The following SMAD4 variants were observed in gnomAD, a reference collection of about 807,000 sequenced individuals.
SMAD4 encodes MAD homolog 4.
Under a neutral mutation model 63.2 loss-of-function variants are expected in SMAD4, and 7 were observed. The observed-to-expected ratio is 0.11, with a 90% CI of 0.06 to 0.21. The LOEUF is 0.21. Ranked by LOEUF, SMAD4 falls within the 10% of genes least tolerant of loss-of-function variation. The pLI is 1.00. For synonymous variants in SMAD4, 215 were observed against 235.4 expected (o/e 0.91, Z 0.79); for missense variants, 312 against 693.8 (o/e 0.45, Z 6.18).
At chr18:51,073,388 T>TATACACACACACACACAC (rs1417299090) in intron 10 of SMAD4, among the ~76,000 whole-genome samples, 1 of 64,186 alleles carries the variant, frequency 1.6e-5, no homozygotes, top group African/African-American at 7.6e-5. Context: ...TATATATATA[T>TATACACACACACACACAC]ACACACACAC....
intron 8 of SMAD4, among the ~76,000 whole-genome samples, chr18:51,061,359 A>G (rs1437924677): frequency 6.6e-6 from 1 of 152,072 alleles, no homozygotes; most frequent in East Asian, 1.9e-4. Context: ...ATCCCCCACT[A>G]CCTTTCCCAG....
At chr18:51,067,924 C>T (rs1568208975) in intron 10 of SMAD4, among the ~76,000 whole-genome samples, 1 of 152,232 alleles carries the variant, frequency 6.6e-6, no homozygotes, top group East Asian at 1.9e-4. Flanking sequence ...GTTATATATT[C>T]AACCTGTTTG....
rs1259096069 is a variant in SMAD4 at position 51,081,327 on chromosome 18, G to A, written c.*2860G>A. 4.4e-6 allele frequency: 1 copy of A among 228,414 alleles called. No homozygotes were observed. The highest frequency in any genetic ancestry group is 6.3e-5 in the East Asian group (1 of 15,950). The allele number at this position is 228,414 out of a possible 1,614,324, so 14.1% of individuals were successfully genotyped here. ...TAAGACCTCATTCCATGTTTGTCCAGTGCCTTTCAGTGCATTATCAAAGGG... is the reference window on the plus strand; with the variant it reads ...TAAGACCTCATTCCATGTTTGTCCAATGCCTTTCAGTGCATTATCAAAGGG... On this transcript the variant is annotated 3_prime_UTR_variant, in exon 12 of 12. Transcript: ENST00000342988.
Position 51,047,144 on chromosome 18 carries a change from A to G in SMAD4, c.98A>G (p.Glu33Gly). 6.2e-7 allele frequency: 1 copy of G among 1,614,154 alleles called. No homozygotes were observed. Among genetic ancestry groups the G allele is most frequent in the African/African-American group, 1.3e-5 (1 of 75,062 alleles). ...TGCCATAGACAAGGTGGAGAGAGTG[A>G]AACATTTGCAAAAAGAGCAATTGAA... ...LMCHRQGGES[E>G]TFAKRAIESL... The change falls in exon 2 of 12, where the codon GAA (glutamate) becomes GGA (glycine). Residue 33 changes from glutamate to glycine, a missense_variant. Physicochemically the swap from Glu to Gly is moderately conservative, Grantham distance 98. Coordinates refer to ENST00000342988, the MANE Select transcript of SMAD4 (RefSeq NM_005359.6).
rs1267896190 is a variant in SMAD4 at position 51,080,494 on chromosome 18, A to C, written c.*2027A>C. ...GAGTTTTAGAATAACAGATTTTTAA[A>C]AATCCAGATGATTTGATTAAAACCT... On this transcript the variant is annotated 3_prime_UTR_variant, in exon 12 of 12. Coordinates refer to ENST00000342988, the MANE Select transcript of SMAD4 (RefSeq NM_005359.6). The C allele has an allele frequency of 4.5e-6, 1 of 222,774 alleles. No individual in the cohort carries two copies. Among genetic ancestry groups the C allele is most frequent in the East Asian group, 6.6e-5 (1 of 15,202 alleles). 13.8% of individuals were successfully genotyped at this position (222,774 alleles called of 1,614,324 possible). A position where few individuals can be genotyped will look rare whatever the true frequency, so the allele number is the denominator to read the frequency against.
chr18:51,040,288 G>A (rs764193461), intron 1 of SMAD4, among the ~76,000 whole-genome samples: 1 of 152,058 alleles, frequency 6.6e-6, no homozygotes, highest in South Asian at 2.1e-4. Context: ...GCTGGGCATG[G>A]TGATGCGCCC....
At chr18:51,057,432 G>T (rs1257924313) in intron 5 of SMAD4, among the ~76,000 whole-genome samples, 1 of 151,986 alleles carries the variant, frequency 6.6e-6, no homozygotes, top group African/African-American at 2.4e-5. Flanking sequence ...ATACAGAGAG[G>T]GCAATTAATT....
At chr18:51,049,543 A>G (rs1909644487) in intron 4 of SMAD4, 1 of 518,500 alleles carries the variant, frequency 1.9e-6, no homozygotes. Flanking sequence ...ACTGCAATTT[A>G]TGAACTAAAG....
chr18:51,043,342 A>G (rs573066083), intron 1 of SMAD4, among the ~76,000 whole-genome samples: 26 of 152,296 alleles, frequency 1.7e-4, no homozygotes, highest in African/African-American at 5.3e-4. Flanking sequence ...TGTTGCATCT[A>G]ATTACCACAA....
intron 1 of SMAD4, among the ~76,000 whole-genome samples, chr18:51,033,945 A>G (rs192142689): frequency 6.6e-6 from 1 of 152,336 alleles, no homozygotes; most frequent in Admixed American, 6.5e-5. Flanking sequence ...CTAAGCCTTG[A>G]TGAGTTGCTA....
rs1333506128 is a variant in SMAD4, at chr18:51,047,214, T to C, written c.168T>C (p.Ser56=). ...AGGAGAAAAAAGATGAATTGGATTC[T>C]TTAATAACAGCTATAACTACAAATG... The part of the protein sequence containing the change: ...KLKEKKDELD[S]LITAITTNGA... Residue 56 remains serine, a synonymous_variant, in exon 2 of 12, where the codon TCT becomes TCC. Coordinates refer to ENST00000342988, the MANE Select transcript of SMAD4 (RefSeq NM_005359.6). The C allele has an allele frequency of 6.2e-7, 1 of 1,613,780 alleles. No homozygotes were observed. Among genetic ancestry groups the C allele is most frequent in the Non-Finnish European group, 8.5e-7 (1 of 1,179,790 alleles).
chr18:51,073,388 T>TATATATATACACACACAC (rs1417299090), intron 10 of SMAD4, among the ~76,000 whole-genome samples: 8 of 64,158 alleles, frequency 1.2e-4, no homozygotes, highest in African/African-American at 4.6e-4. Flanking sequence ...TATATATATA[T>TATATATATACACACACAC]ACACACACAC....
intron 10 of SMAD4, among the ~76,000 whole-genome samples, chr18:51,073,237 ATG>A (rs1225099947): frequency 1.3e-4 from 20 of 151,524 alleles, no homozygotes; most frequent in Admixed American, 1.3e-3. Context: ...GAGAGAGCCT[ATG>A]TGTGACATAT....
In SMAD4 at chr18:51,080,279, T is replaced by G. The variant is rs557065270; in HGVS notation, c.*1812T>G. The G allele has an allele frequency of 1.9e-4, 45 of 232,136 alleles. No individual in the cohort carries two copies. Among genetic ancestry groups the G allele is most frequent in the Non-Finnish European group, 1.1e-4 (13 of 117,442 alleles). The allele number at this position is 232,136 out of a possible 1,614,324, so 14.4% of individuals were successfully genotyped here. A position where few individuals can be genotyped will look rare whatever the true frequency, so the allele number is the denominator to read the frequency against. ...TAGATCTTGATCCAAGCTACATGAC[T>G]TTTGTCTTTAAATAACTTATCTACC... is the stretch of plus-strand genomic sequence containing the variant. On this transcript the variant is annotated 3_prime_UTR_variant, in exon 12 of 12. Coordinates refer to ENST00000342988, the MANE Select transcript of SMAD4 (RefSeq NM_005359.6).
intron 9 of SMAD4, among the ~76,000 whole-genome samples, chr18:51,066,348 A>G (rs1245844395): frequency 6.8e-6 from 1 of 147,134 alleles, no homozygotes; most frequent in Admixed American, 6.6e-5. Context: ...CATTTCAAAA[A>G]AAAAAAAAAA....
Position 51,083,143 on chromosome 18 carries a change from T to G in SMAD4, c.*4676T>G. 1 of 226,048 alleles carries G rather than the reference T, an allele frequency of 4.4e-6. No individual in the cohort carries two copies. Among genetic ancestry groups the G allele is most frequent in the East Asian group, 6.4e-5 (1 of 15,654 alleles). The allele number at this position is 226,048 out of a possible 1,614,324, so 14.0% of individuals were successfully genotyped here. On this transcript the variant is annotated 3_prime_UTR_variant, in exon 12 of 12. Coordinates refer to ENST00000342988, the MANE Select transcript of SMAD4 (RefSeq NM_005359.6). ...ACTTGAATGCTGCTCTTACAAAAACTGGGGTTACAAGGGTTACTAAATTAG... is the reference window on the plus strand; with the variant it reads ...ACTTGAATGCTGCTCTTACAAAAACGGGGGTTACAAGGGTTACTAAATTAG...
At chr18:51,047,378 GTAATT>G in intron 2 of SMAD4, 83 bp downstream of exon 2, 1 of 1,264,434 alleles carries the variant, frequency 7.9e-7, no homozygotes, top group Non-Finnish European at 1.2e-6. Flanking sequence ...CTACTACAGG[GTAATT>G]TAATTTGTGC....
At chr18:51,073,388 T>TATATATATATACACACAC (rs1417299090) in intron 10 of SMAD4, among the ~76,000 whole-genome samples, 6 of 64,160 alleles carry the variant, frequency 9.4e-5, no homozygotes, top group East Asian at 5.6e-4. Flanking sequence ...TATATATATA[T>TATATATATATACACACAC]ACACACACAC....
At chr18:51,077,473 C>CATGT (rs1376197546) in intron 11 of SMAD4, 7 of 609,322 alleles carry the variant, frequency 1.1e-5, no homozygotes, top group Non-Finnish European at 1.4e-5. Context: ...GGTTTCTCTA[C>CATGT]AGTACATGCA....
Sources: gnomAD v4.1 joint callset for allele counts (sites outside exome capture counted in the v4.1 genomes callset) on GRCh38, gnomAD v4.1.1 for gene constraint, MANE v1.5 for transcripts, NCBI Gene and HGNC (gene_info 2026-07-23, HGNC 2026-07-21) for gene names.